RPH3A: variants seen among roughly 807,000 people sequenced by gnomAD.
RPH3A encodes rabphilin-3A.
A neutral mutation model predicts 102.2 loss-of-function variants in RPH3A; 48 were observed. That is an observed-to-expected ratio of 0.47 (90% CI 0.37 to 0.60). The LOEUF (loss-of-function observed/expected upper bound fraction) is 0.60. Among genes scored for constraint, RPH3A ranks in the 20% least tolerant of loss-of-function variants. RPH3A has a pLI of 0.00. For missense variants in RPH3A, 781 were observed against 910.1 expected (o/e 0.86, Z 1.83); for synonymous variants, 310 against 324.3 (o/e 0.96, Z 0.47).
chr12:112,788,628 C>T (rs1048389995), upstream of RPH3A, among the ~76,000 whole-genome samples: 1 of 152,230 alleles, frequency 6.6e-6, no homozygotes, highest in Non-Finnish European at 1.5e-5. Flanking sequence ...TAGTACAATG[C>T]GTGACACATG....
At chr12:112,842,046 A>G (rs1458105560) in intron 4 of RPH3A, 1 of 455,938 alleles carries the variant, frequency 2.2e-6, no homozygotes, top group Non-Finnish European at 4.4e-6. Context: ...TTCAAATGCC[A>G]GTCAGTGATC....
chr12:112,707,440 G>A (rs1381398326), intron 1 of RPH3A, among the ~76,000 whole-genome samples: 2 of 152,174 alleles, frequency 1.3e-5, no homozygotes, highest in African/African-American at 4.8e-5. Context: ...GGAAACTGGG[G>A]CCTAGGAAGA....
At chr12:112,710,527 C>T (rs1351741082) in intron 1 of RPH3A, among the ~76,000 whole-genome samples, 3 of 152,204 alleles carry the variant, frequency 2.0e-5, no homozygotes, top group African/African-American at 4.8e-5. Flanking sequence ...TCTGCCAGTT[C>T]CCTTTCAGGC....
chr12:112,825,878 C>T (rs917951925), intron 2 of RPH3A, among the ~76,000 whole-genome samples: 3 of 152,038 alleles, frequency 2.0e-5, no homozygotes, highest in South Asian at 2.1e-4. Context: ...AATGGAGAAG[C>T]GGGAGGAGGA....
At chr12:112,807,755 C>T (rs1013092417) in intron 2 of RPH3A, among the ~76,000 whole-genome samples, 1 of 152,094 alleles carries the variant, frequency 6.6e-6, no homozygotes, top group Non-Finnish European at 1.5e-5. Flanking sequence ...TAGTCCTTTG[C>T]ACCTTCTGTC....
chr12:112,805,690 G>A (rs554389350), intron 2 of RPH3A, among the ~76,000 whole-genome samples: 26 of 152,306 alleles, frequency 1.7e-4, no homozygotes, highest in East Asian at 1.9e-4. Flanking sequence ...CCAAATGCAC[G>A]TTAGGGGGCA....
Position 112,583,488 on chromosome 12 carries a change from T to TA in RPH3A, c.-140+8178dup, listed in dbSNP as rs200555809. ...TTGCTCTCCTAGAAACATCTGTAAT[T>TA]AAAAAAAAATAGAAGAAAAGGAGGA... On this transcript the variant is annotated intron_variant, in intron 1 of 21. Coordinates refer to the RPH3A transcript ENST00000543106. Among the ~76,000 whole-genome samples the TA allele has an allele frequency of 6.1e-3, 911 of 148,540 alleles. 11 individuals carry two copies. Among genetic ancestry groups the TA allele is most frequent in the African/African-American group, 0.021 (846 of 40,320 alleles).
chr12:112,704,236 A>G lies in RPH3A; in HGVS notation c.-139-87907A>G, dbSNP rs143771330. ...CCTGAGTACCTGGGACTACAGGCGT[A>G]AGCCGTCACACCTGGATAATTTTTG... On this transcript the variant is annotated intron_variant, in intron 1 of 21. Transcript: ENST00000543106. Among the ~76,000 whole-genome samples, 307 of 152,096 alleles carry G rather than the reference A, an allele frequency of 2.0e-3. 1 individual carries two copies. Among genetic ancestry groups the G allele is most frequent in the African/African-American group, 7.2e-3 (299 of 41,494 alleles).
chr12:112,693,545 G>T (rs544923908), intron 1 of RPH3A, among the ~76,000 whole-genome samples: 1 of 152,242 alleles, frequency 6.6e-6, no homozygotes, highest in African/African-American at 2.4e-5. Context: ...GATTTCAACT[G>T]CTTGCCTTCT....
At chr12:112,829,631 G>C (rs1291916763) in intron 3 of RPH3A, among the ~76,000 whole-genome samples, 1 of 152,022 alleles carries the variant, frequency 6.6e-6, no homozygotes, top group Non-Finnish European at 1.5e-5. Context: ...CCTAAACTTG[G>C]TCATTTGAGC....
At chr12:112,771,500 T>G (rs2040927374) in intron 1 of RPH3A, among the ~76,000 whole-genome samples, 1 of 152,208 alleles carries the variant, frequency 6.6e-6, no homozygotes, top group South Asian at 2.1e-4. Context: ...CTTATGTCAC[T>G]ACAAACAATG....
In RPH3A at chr12:112,837,872, C is replaced by G. The variant is rs2042079367; in HGVS notation, c.83+1370C>G. ...CCAGGCTCCTCCCCTCCTTCCCTCC[C>G]TCCTTCCCCCCTCCCTCCCTCCTTT... On this transcript the variant is annotated intron_variant, in intron 4 of 21. Coordinates refer to ENST00000389385, the MANE Select transcript of RPH3A (RefSeq NM_001143854.2). The G allele has an allele frequency of 1.1e-4, 50 of 452,604 alleles. 2 individuals carry two copies. Among genetic ancestry groups the G allele is most frequent in the South Asian group, 7.6e-4 (49 of 64,184 alleles). 28.0% of individuals were successfully genotyped at this position (452,604 alleles called of 1,614,324 possible).
At chr12:112,635,036 A>G (rs1401313291) in intron 1 of RPH3A, among the ~76,000 whole-genome samples, 1 of 152,242 alleles carries the variant, frequency 6.6e-6, no homozygotes, top group Non-Finnish European at 1.5e-5. Context: ...TGAGTACAGT[A>G]AATTAATCTA....
intron 1 of RPH3A, among the ~76,000 whole-genome samples, chr12:112,703,672 A>G (rs2040409262): frequency 6.6e-6 from 1 of 152,230 alleles, no homozygotes; most frequent in Non-Finnish European, 1.5e-5. Context: ...AGAGGAGCTG[A>G]ATCAGCAATG....
At chr12:112,716,622 C>T (rs1308126610) in intron 1 of RPH3A, among the ~76,000 whole-genome samples, 1 of 152,224 alleles carries the variant, frequency 6.6e-6, no homozygotes, top group Non-Finnish European at 1.5e-5. Flanking sequence ...GGGCACATCT[C>T]ACTTTCACCC....
intron 1 of RPH3A, among the ~76,000 whole-genome samples, chr12:112,678,820 T>G (rs956647542): frequency 6.6e-5 from 10 of 152,190 alleles, no homozygotes; most frequent in African/African-American, 2.4e-4. Flanking sequence ...CACAGTCTAC[T>G]GGGGAAGCAG....
At chr12:112,884,954 T>G (rs113601257) in intron 16 of RPH3A, among the ~76,000 whole-genome samples, 1 of 152,254 alleles carries the variant, frequency 6.6e-6, no homozygotes, top group African/African-American at 2.4e-5. Flanking sequence ...GTACTTTATA[T>G]AAATGAAATT....
At chr12:112,760,029 C>T (rs2040845408) in intron 1 of RPH3A, among the ~76,000 whole-genome samples, 1 of 152,214 alleles carries the variant, frequency 6.6e-6, no homozygotes, top group Non-Finnish European at 1.5e-5. Context: ...ATTCACGGTA[C>T]AGCAGCCACT....
rs376821142 is a variant in RPH3A at position 112,795,599 on chromosome 12, G to C, written c.-19+3336G>C. Reference sequence around the variant, plus strand: ...ATTTTGACTCTGGCATTTCCTTGCTGTGTGACTTCAGACAAGGCCCTTAAT... The same window carrying C: ...ATTTTGACTCTGGCATTTCCTTGCTCTGTGACTTCAGACAAGGCCCTTAAT... On this transcript the variant is annotated intron_variant, in intron 2 of 21. Coordinates refer to ENST00000389385, the MANE Select transcript of RPH3A (RefSeq NM_001143854.2). 2.0e-5 allele frequency among the ~76,000 whole-genome samples: 3 copies of C among 152,116 alleles called. No homozygotes were observed. The East Asian group carries it at 5.8e-4, about 29-fold the overall frequency.
Sources: allele counts gnomAD v4.1 joint callset (sites outside exome capture counted in the v4.1 genomes callset), GRCh38; gene constraint gnomAD v4.1.1; transcripts MANE v1.5; gene names NCBI Gene and HGNC (gene_info 2026-07-23, HGNC 2026-07-21).